Variants in CPNE4 observed in about 807,000 individuals in gnomAD.
The protein encoded by CPNE4 is copine 4, also known as copine-4.
Under a neutral mutation model 67.9 loss-of-function variants are expected in CPNE4, and 25 were observed. That is an observed-to-expected ratio of 0.37 (90% CI 0.27 to 0.51). The LOEUF is 0.51. Among genes scored for constraint, CPNE4 ranks in the 20% least tolerant of loss-of-function variants. CPNE4 has a pLI of 0.93. For synonymous variants in CPNE4, 242 were observed against 244.9 expected, an observed-to-expected ratio of 0.99 and a Z score of 0.11; for missense variants, 464 against 690.8, an observed-to-expected ratio of 0.67 and a Z score of 3.68.
chr3:131,624,022 C>G (rs1030967772), intron 7 of CPNE4, among the ~76,000 whole-genome samples: 1 of 152,196 alleles, frequency 6.6e-6, no homozygotes, highest in Non-Finnish European at 1.5e-5. Context: ...CTCTTTGGCT[C>G]TGGAAGGGCT....
At chr3:131,886,165 G>A (rs570623273) in intron 2 of CPNE4, among the ~76,000 whole-genome samples, 23 of 152,348 alleles carry the variant, frequency 1.5e-4, no homozygotes, top group African/African-American at 3.4e-4. Flanking sequence ...AAGCTGAGCC[G>A]TGTGCAGCCT....
chr3:132,005,238 A>G (rs1188219836), intron 1 of CPNE4, among the ~76,000 whole-genome samples: 2 of 150,908 alleles, frequency 1.3e-5, no homozygotes, highest in Non-Finnish European at 3.0e-5. Context: ...CACTGGGATT[A>G]TCTGTCAAGT....
intron 1 of CPNE4, among the ~76,000 whole-genome samples, chr3:132,003,077 G>T (rs2073497217): frequency 6.6e-6 from 1 of 152,110 alleles, no homozygotes; most frequent in South Asian, 2.1e-4. Context: ...AGAGTTAAAT[G>T]AATTAACTGT....
chr3:131,959,909 T>A (rs1430877700), intron 1 of CPNE4, among the ~76,000 whole-genome samples: 1 of 152,238 alleles, frequency 6.6e-6, no homozygotes, highest in African/African-American at 2.4e-5. Context: ...CTAGCCCTAT[T>A]ATTTTAAATA....
chr3:131,579,861 T>C (rs1455114077), intron 9 of CPNE4, among the ~76,000 whole-genome samples: 1 of 152,242 alleles, frequency 6.6e-6, no homozygotes, highest in Non-Finnish European at 1.5e-5. Flanking sequence ...GTGAAGATGC[T>C]GTGAACACTG....
intron 7 of CPNE4, among the ~76,000 whole-genome samples, chr3:131,620,071 G>C (rs888341705): frequency 3.9e-5 from 6 of 152,174 alleles, no homozygotes; most frequent in Admixed American, 1.3e-4. Flanking sequence ...ATTCTGCCAG[G>C]CTCTCTCGGG....
rs936104054 is a variant in CPNE4, at chr3:132,015,006, CTGTT to C, written c.-2+19557_-2+19560del. On this transcript the variant is annotated intron_variant, in intron 1 of 15. Coordinates refer to ENST00000429747, the MANE Select transcript of CPNE4 (RefSeq NM_130808.3). ...ACTTCCAATGAAATATGGAACAAAA[CTGTT>C]TGATTTATTCTGCTGCTCAAATATA... Among the ~76,000 whole-genome samples the C allele has an allele frequency of 1.8e-3, 267 of 152,176 alleles. 1 individual carries two copies. Among genetic ancestry groups the C allele is most frequent in the African/African-American group, 6.0e-3 (248 of 41,536 alleles).
chr3:131,708,934 A>G (rs1416506260), intron 3 of CPNE4, among the ~76,000 whole-genome samples: 1 of 133,562 alleles, frequency 7.5e-6, no homozygotes, highest in Non-Finnish European at 1.6e-5. Flanking sequence ...ATTCTAAAAA[A>G]AATCAGTGTC....
At chr3:131,643,384 T>C (rs985232531) in intron 7 of CPNE4, among the ~76,000 whole-genome samples, 1 of 152,204 alleles carries the variant, frequency 6.6e-6, no homozygotes, top group Non-Finnish European at 1.5e-5. Context: ...AGCCCCTTTG[T>C]TTTAGCCAAT....
intron 1 of CPNE4, among the ~76,000 whole-genome samples, chr3:131,948,755 C>G (rs1228531541): frequency 6.6e-6 from 1 of 152,106 alleles, no homozygotes; most frequent in African/African-American, 2.4e-5. Flanking sequence ...AAAAACAGTT[C>G]CTGTAGCAGC....
At position 131,909,832 on chromosome 3, in the gene CPNE4, T is replaced by C. The variant is rs1487460149; in HGVS notation, c.-1-4388A>G. Among the ~76,000 whole-genome samples the C allele has an allele frequency of 1.9e-4, 29 of 151,922 alleles. 1 individual carries two copies. Among genetic ancestry groups the C allele is most frequent in the Admixed American group, 1.9e-3 (29 of 15,246 alleles). ...GTATGTAGTTCTTGCTCTGAATTAT[T>C]AGTTAATGATAGTAAATTTAAGTAA... On this transcript the variant is annotated intron_variant, in intron 1 of 15. Coordinates refer to ENST00000429747, the MANE Select transcript of CPNE4 (RefSeq NM_130808.3).
chr3:131,837,591 T>C (rs554131995), intron 2 of CPNE4, among the ~76,000 whole-genome samples: 27 of 152,090 alleles, frequency 1.8e-4, no homozygotes, highest in African/African-American at 5.5e-4. Flanking sequence ...GGGTGAGTGA[T>C]AGAATAGATC....
chr3:131,861,644 G>C (rs1386590234), intron 2 of CPNE4, among the ~76,000 whole-genome samples: 2 of 152,094 alleles, frequency 1.3e-5, no homozygotes, highest in South Asian at 2.1e-4. Context: ...TGTTGGCCAG[G>C]CTGGTCTCGA....
Position 131,929,218 on chromosome 3 carries a change from A to ATG in CPNE4, c.-1-23775_-1-23774insCA, listed in dbSNP as rs147184357. Among the ~76,000 whole-genome samples, 275 of 137,786 alleles carry ATG rather than the reference A, an allele frequency of 2.0e-3. 4 individuals carry two copies. The highest frequency in any genetic ancestry group is 6.1e-3 in the African/African-American group (228 of 37,154). The allele number at this position is 137,786 out of a possible 152,430, so 90.4% of individuals were successfully genotyped here. A position where few individuals can be genotyped will look rare whatever the true frequency, so the allele number is the denominator to read the frequency against. On this transcript the variant is annotated intron_variant, in intron 1 of 15. Transcript: ENST00000429747. ...CACCAAAAAAAAAAAAAAAAAAAAAAGATTTTCAGATCCTGTGTTAGAAAA... is the reference window on the plus strand; with the variant it reads ...CACCAAAAAAAAAAAAAAAAAAAAAATGGATTTTCAGATCCTGTGTTAGAAAA...
chr3:131,979,722 T>C (rs563450739), intron 1 of CPNE4, among the ~76,000 whole-genome samples: 3 of 152,200 alleles, frequency 2.0e-5, no homozygotes, highest in African/African-American at 4.8e-5. Context: ...GCATTCATCA[T>C]GCTGTTTGTT....
At chr3:131,645,471 GT>G (rs2079642750) in intron 7 of CPNE4, among the ~76,000 whole-genome samples, 1 of 152,128 alleles carries the variant, frequency 6.6e-6, no homozygotes, top group Admixed American at 6.5e-5. Context: ...TAAGTGTGTT[GT>G]TTTCATTTCC....
At chr3:131,654,739 A>G (rs1327525755) in intron 7 of CPNE4, among the ~76,000 whole-genome samples, 1 of 152,230 alleles carries the variant, frequency 6.6e-6, no homozygotes, top group Non-Finnish European at 1.5e-5. Context: ...AGGAGAGAGT[A>G]AAGATACAAT....
intron 6 of CPNE4, among the ~76,000 whole-genome samples, chr3:131,684,115 T>C (rs1400850461): frequency 1.3e-5 from 2 of 152,214 alleles, no homozygotes; most frequent in Non-Finnish European, 2.9e-5. Context: ...TAAAACCAAG[T>C]ACTGTGGTCA....
intron 2 of CPNE4, among the ~76,000 whole-genome samples, chr3:131,885,331 ATTTCT>A (rs1413251460): frequency 5.2e-5 from 7 of 133,752 alleles, no homozygotes; most frequent in African/African-American, 1.7e-4. Context: ...GGTGGGAGAA[ATTTCT>A]TTTTTTTTTT....
Sources: allele counts gnomAD v4.1 joint callset (sites outside exome capture counted in the v4.1 genomes callset), GRCh38; gene constraint gnomAD v4.1.1; transcripts MANE v1.5; gene names NCBI Gene and HGNC (gene_info 2026-07-23, HGNC 2026-07-21).